The following RAPGEF5 variants were observed in gnomAD, a reference collection of about 807,000 sequenced individuals.
RAPGEF5 encodes the protein Rap guanine nucleotide exchange factor 5.
A neutral mutation model predicts 125.2 loss-of-function variants in RAPGEF5; 65 were observed. That is an observed-to-expected ratio of 0.52 (90% CI 0.43 to 0.64). The LOEUF (loss-of-function observed/expected upper bound fraction) is 0.64. Ranked by LOEUF, RAPGEF5 falls within the 30% of genes least tolerant of loss-of-function variation. RAPGEF5 has a pLI of 0.00. For missense variants in RAPGEF5, 958 were observed against 1,048.1 expected (o/e 0.91, Z 1.19); for synonymous variants, 391 against 385.9 (o/e 1.01, Z -0.16).
chr7:22,325,665 A>C lies in RAPGEF5; in HGVS notation c.232-7628T>G, dbSNP rs527649413. 1.5e-4 allele frequency among the ~76,000 whole-genome samples: 23 copies of C among 152,298 alleles called. 1 individual carries two copies. In the South Asian group the frequency reaches 4.8e-3, roughly 32 times the overall value. ...ACTGCAGCCTTTATTTCCCAGACTC[A>C]AGCGATCCTTCCACCTCAGACCACA... On this transcript the variant is annotated intron_variant, in intron 1 of 25. Transcript: ENST00000665637.
At chr7:22,330,705 C>A (rs1179418123) in intron 1 of RAPGEF5, among the ~76,000 whole-genome samples, 1 of 152,126 alleles carries the variant, frequency 6.6e-6, no homozygotes, top group Admixed American at 6.5e-5. Flanking sequence ...ACTCAGGAGT[C>A]CCCCGTATTT....
At chr7:22,237,442 C>T (rs1786221738) in intron 7 of RAPGEF5, among the ~76,000 whole-genome samples, 1 of 135,342 alleles carries the variant, frequency 7.4e-6, no homozygotes, top group African/African-American at 2.8e-5. Context: ...TATCTGAGTT[C>T]TTTCCTCAGG....
intron 7 of RAPGEF5, among the ~76,000 whole-genome samples, chr7:22,261,975 A>G (rs931232162): frequency 6.6e-6 from 1 of 152,216 alleles, no homozygotes; most frequent in Non-Finnish European, 1.5e-5. Context: ...AGGCATAGAA[A>G]ATAATTGGAC....
intron 5 of RAPGEF5, among the ~76,000 whole-genome samples, chr7:22,302,618 A>T (rs977961091): frequency 6.6e-6 from 1 of 152,154 alleles, no homozygotes; most frequent in Non-Finnish European, 1.5e-5. Flanking sequence ...AGGCGCCCAG[A>T]CCACTCGCCA....
chr7:22,313,581 T>G (rs904180279), intron 3 of RAPGEF5, among the ~76,000 whole-genome samples: 1 of 152,218 alleles, frequency 6.6e-6, no homozygotes, highest in African/African-American at 2.4e-5. Context: ...AAATCTGTTC[T>G]AATTTGGATA....
At chr7:22,139,946 A>G in intron 21 of RAPGEF5, 79 bp downstream of exon 21, 1 of 1,231,988 alleles carries the variant, frequency 8.1e-7, no homozygotes, top group Admixed American at 2.2e-5. Flanking sequence ...TTAGTTTAGT[A>G]GTACTTATCT....
chr7:22,219,144 G>A (rs966530201), intron 9 of RAPGEF5, among the ~76,000 whole-genome samples: 11 of 152,212 alleles, frequency 7.2e-5, no homozygotes, highest in African/African-American at 2.4e-4. Flanking sequence ...GCAGCACTGA[G>A]AGTGAAGTCT....
rs866650778 is a variant in RAPGEF5, at chr7:22,327,480, C to G, written c.232-9443G>C. On this transcript the variant is annotated intron_variant, in intron 1 of 25. Transcript: ENST00000665637. ...TTAAATGTTTATAAAGGAAAAAAAT[C>G]TAGCCCTTTTAATACCTTCCTTAAC... 3.9e-5 allele frequency among the ~76,000 whole-genome samples: 6 copies of G among 152,206 alleles called. No homozygotes were observed. In the South Asian group the frequency reaches 8.3e-4, roughly 21 times the overall value.
intron 6 of RAPGEF5, 138 bp from the exon 7 acceptor site, chr7:22,267,150 G>T: frequency 4.0e-6 from 3 of 743,382 alleles, no homozygotes; most frequent in East Asian, 2.8e-5. Flanking sequence ...GCACTTTTTT[G>T]ATTTTTGCTT....
intron 16 of RAPGEF5, among the ~76,000 whole-genome samples, chr7:22,156,184 A>G (rs1439274562): frequency 6.6e-6 from 1 of 152,266 alleles, no homozygotes; most frequent in Non-Finnish European, 1.5e-5. Context: ...TCTGTGAGTT[A>G]TAATTGCATT....
intron 9 of RAPGEF5, among the ~76,000 whole-genome samples, chr7:22,207,793 G>A (rs1268622846): frequency 6.6e-6 from 1 of 152,058 alleles, no homozygotes; most frequent in Non-Finnish European, 1.5e-5. Context: ...AATGGGGAAG[G>A]GAATGAATTG....
Position 22,193,921 on chromosome 7 carries a change from T to C in RAPGEF5, c.1109A>G (p.His370Arg). Residue 370 changes from histidine (H) to arginine (R), a missense_variant, in exon 10 of 26, where the codon CAT becomes CGT. Coordinates refer to ENST00000665637, the MANE Select transcript of RAPGEF5 (RefSeq NM_012294.5). The part of the protein sequence containing the change: ...PAPTAGSAES[H>R]WRYVVVSGTP... The stretch of plus-strand genomic sequence containing the variant: ...GCTGCAGGGAAACTCTCACCTCCAA[T>C]GGCTCTCCGCACTCCCAGCTGTGGG... 6.2e-7 allele frequency: 1 copy of C among 1,613,714 alleles called. No homozygotes were observed. Among genetic ancestry groups the C allele is most frequent in the Middle Eastern group, 1.7e-4 (1 of 6,060 alleles).
intron 5 of RAPGEF5, among the ~76,000 whole-genome samples, chr7:22,297,654 T>C (rs1054730908): frequency 2.6e-5 from 4 of 152,268 alleles, no homozygotes; most frequent in Non-Finnish European, 5.9e-5. Flanking sequence ...CAGTGATGGC[T>C]GAAGAGAGAG....
At chr7:22,339,769 T>A (rs554228696) in intron 1 of RAPGEF5, among the ~76,000 whole-genome samples, 1 of 152,232 alleles carries the variant, frequency 6.6e-6, no homozygotes, top group Non-Finnish European at 1.5e-5. Context: ...AAAATGAAAC[T>A]GGTTTTGACT....
chr7:22,337,244 G>T (rs144173608), intron 1 of RAPGEF5, among the ~76,000 whole-genome samples: 80 of 152,286 alleles, frequency 5.3e-4, no homozygotes, highest in African/African-American at 1.8e-3. Flanking sequence ...CGCAATCATA[G>T]AGGTGTGGAA....
chr7:22,224,306 AG>A (rs1261703606), intron 8 of RAPGEF5, among the ~76,000 whole-genome samples: 4 of 152,228 alleles, frequency 2.6e-5, no homozygotes, highest in Admixed American at 6.5e-5. Flanking sequence ...AGGGTAAAAA[AG>A]TTTCAATGGT....
chr7:22,154,703 C>G, intron 16 of RAPGEF5, 99 bp from the exon 17 acceptor site: 1 of 1,340,200 alleles, frequency 7.5e-7, no homozygotes, highest in South Asian at 1.4e-5. Flanking sequence ...TCTAAATCAA[C>G]CCACCTGGCT....
Position 22,199,531 on chromosome 7 carries a change from G to GAA in RAPGEF5, c.997-5500_997-5499dup, listed in dbSNP as rs35024654. ...GTTATGTAAGTTTTACCTTAAAATTGAAAAAAAAAAAAAAAAAAAAAAAAA... is the reference window on the plus strand; with the variant it reads ...GTTATGTAAGTTTTACCTTAAAATTGAAAAAAAAAAAAAAAAAAAAAAAAAAA... On this transcript the variant is annotated intron_variant, in intron 9 of 25. Coordinates refer to ENST00000665637, the MANE Select transcript of RAPGEF5 (RefSeq NM_012294.5). Among the ~76,000 whole-genome samples, 192 of 62,842 alleles carry GAA rather than the reference G, an allele frequency of 3.1e-3. 13 individuals carry two copies. In the East Asian group the frequency reaches 0.031, roughly 10 times the overall value. The allele number at this position is 62,842 out of a possible 152,430, so 41.2% of individuals were successfully genotyped here. A position where few individuals can be genotyped will look rare whatever the true frequency, so the allele number is the denominator to read the frequency against.
chr7:22,218,136 C>T (rs1217535522), intron 9 of RAPGEF5, among the ~76,000 whole-genome samples: 2 of 152,116 alleles, frequency 1.3e-5, no homozygotes, highest in African/African-American at 4.8e-5. Context: ...CCAGTGAGAA[C>T]ACAAGGACAC....
Sources: allele counts gnomAD v4.1 joint callset (sites outside exome capture counted in the v4.1 genomes callset), GRCh38; gene constraint gnomAD v4.1.1; transcripts MANE v1.5; gene names NCBI Gene and HGNC (gene_info 2026-07-23, HGNC 2026-07-21).